Variants in SEC14L3 observed in about 807,000 individuals in gnomAD.
SEC14L3 encodes the protein SEC14 like lipid binding 3, also known as SEC14-like protein 3.
A neutral mutation model predicts 57.4 loss-of-function variants in SEC14L3; 56 were observed. That is an observed-to-expected ratio of 0.97 (90% CI 0.79 to 1.22). The LOEUF (loss-of-function observed/expected upper bound fraction) is 1.22. SEC14L3 is among the 50% of genes most tolerant of loss of function. The pLI is 0.00. For missense variants in SEC14L3, 485 were observed against 511.7 expected (o/e 0.95, Z 0.50); for synonymous variants, 173 against 194.4 (o/e 0.89, Z 0.92).
In SEC14L3 at chr22:30,461,490, G is replaced by T; in HGVS notation, c.912-11C>A. The T allele has an allele frequency of 6.2e-7, 1 of 1,611,594 alleles. No homozygotes were observed. The highest frequency in any genetic ancestry group is 8.5e-7 in the Non-Finnish European group (1 of 1,177,916). The stretch of plus-strand genomic sequence containing the variant: ...GATGAGAACTGCCACCTGTCAGGGG[G>T]AGGGGGAGGAGACAGGTTGCTGCTC... On this transcript the variant is annotated splice_polypyrimidine_tract_variant and intron_variant, in intron 10 of 11. Transcript: ENST00000215812.
intron 7 of SEC14L3, among the ~76,000 whole-genome samples, chr22:30,465,282 C>T (rs1014465442): frequency 2.0e-5 from 3 of 152,196 alleles, no homozygotes; most frequent in African/African-American, 7.2e-5. Flanking sequence ...ACCAGCCAAC[C>T]TACCAAATAG....
intron 12 of SEC14L3, among the ~76,000 whole-genome samples, chr22:30,450,363 T>G (rs571077453): frequency 1.7e-4 from 26 of 152,172 alleles, no homozygotes; most frequent in Non-Finnish European, 2.9e-4. Context: ...TGGAGTATAG[T>G]GGCATGATCT....
At chr22:30,464,605 A>T (rs1175076721) in intron 8 of SEC14L3, among the ~76,000 whole-genome samples, 2 of 152,028 alleles carry the variant, frequency 1.3e-5, no homozygotes, top group African/African-American at 2.4e-5. Context: ...TAATTTTTAA[A>T]TTTTTTGTAG....
Position 30,462,078 on chromosome 22 carries a change from C to T in SEC14L3, c.771+8G>A. ...ACCTCTCTTGTCCCAGGGAAGGGCT[C>T]TTTGTACCTTGGTTAAACATTTGGG... On this transcript the variant is annotated splice_region_variant and intron_variant, in intron 9 of 11. Transcript: ENST00000215812. 3.1e-6 allele frequency: 5 copies of T among 1,613,786 alleles called. No homozygotes were observed. The highest frequency in any genetic ancestry group is 4.2e-6 in the Non-Finnish European group (5 of 1,179,872).
chr22:30,461,358 G>A lies in SEC14L3; in HGVS notation c.1033C>T (p.His345Tyr), dbSNP rs1935251503. The A allele has an allele frequency of 6.2e-7, 1 of 1,613,108 alleles. No homozygotes were observed. The highest frequency in any genetic ancestry group is 2.2e-5 in the East Asian group (1 of 44,870). Residue 345 changes from histidine (H) to tyrosine (Y), a missense_variant, in exon 11 of 12, where the codon CAC becomes TAC. His to Tyr is a moderately conservative substitution (Grantham distance 83). Coordinates refer to ENST00000215812, the MANE Select transcript of SEC14L3 (RefSeq NM_174975.5). ...DVLPSQRYNA[H>Y]MVPEDGNLTC... ...AGGTTCCCATCCTCGGGCACCATGT[G>A]GGCGTTATAGCGCTGGCTGGGTAGA...
chr22:30,451,126 G>A (rs1934971670), intron 12 of SEC14L3, among the ~76,000 whole-genome samples: 1 of 152,232 alleles, frequency 6.6e-6, no homozygotes, highest in Non-Finnish European at 1.5e-5. Flanking sequence ...TGGCACCAAG[G>A]TACAGTGGGG....
At chr22:30,449,604 G>A (rs1297514541) in intron 12 of SEC14L3, among the ~76,000 whole-genome samples, 6 of 145,048 alleles carry the variant, frequency 4.1e-5, no homozygotes, top group East Asian at 2.0e-4. Flanking sequence ...TTGCTCTGTC[G>A]CCCAGGCTGG....
chr22:30,450,277 G>A (rs1162702112), intron 12 of SEC14L3, among the ~76,000 whole-genome samples: 1 of 152,062 alleles, frequency 6.6e-6, no homozygotes, highest in African/African-American at 2.4e-5. Context: ...TCTGGAGCTG[G>A]ACGCGATCCT....
At chr22:30,448,744 A>T (rs1388361526) in exon 13 of SEC14L3, 2 of 200,808 alleles carry the variant, frequency 1.0e-5, no homozygotes, top group Non-Finnish European at 2.0e-5. Context: ...AAAGAAAAAA[A>T]ACCCAGGCAT....
chr22:30,452,659 T>C (rs985509391), intron 12 of SEC14L3, among the ~76,000 whole-genome samples: 1 of 151,888 alleles, frequency 6.6e-6, no homozygotes, highest in Non-Finnish European at 1.5e-5. Context: ...GACTCCTGTC[T>C]CCTTGGAGTT....
chr22:30,461,632 G>A lies in SEC14L3; in HGVS notation c.834C>T (p.Tyr278=), dbSNP rs139964800. 9.2e-4 allele frequency: 1,492 copies of A among 1,614,002 alleles called. 8 individuals are homozygous for A. Among genetic ancestry groups the A allele is most frequent in the South Asian group, 2.7e-3 (242 of 91,056 alleles). The change falls in exon 10 of 12, where the codon TAC becomes TAT. Residue 278 remains tyrosine, a synonymous_variant. Coordinates refer to ENST00000215812, the MANE Select transcript of SEC14L3 (RefSeq NM_174975.5). ...CGCGGTTGATCTGCACCGAGTGCTC[G>A]TACTGAGTCTTCACCTGGTCCCGCA... ...MYVRDQVKTQ[Y]EHSVQINRGS...
In SEC14L3 at chr22:30,460,032, T is replaced by C. The variant is rs776414729; in HGVS notation, c.1192A>G (p.Thr398Ala). The C allele has an allele frequency of 1.9e-6, 3 of 1,613,834 alleles. No homozygotes were observed. The highest frequency in any genetic ancestry group is 1.7e-6 in the Non-Finnish European group (2 of 1,179,898). Residue 398 changes from threonine (T) to alanine (A), a missense_variant, in exon 12 of 12, where the codon ACC becomes GCC. By Grantham distance (58) the Thr-to-Ala change is moderately conservative. Transcript: ENST00000215812. ...AATGAGGGAGCCACCTAGACAGGGG[T>C]GAGCTCCTTATCATATTTCTGCATG... ...EGMQKYDKEL[T>A]PV
rs1240829248 is a variant in SEC14L3 at position 30,462,090 on chromosome 22, G to C, written c.767C>G (p.Thr256Ser). 1.2e-6 allele frequency: 2 copies of C among 1,614,026 alleles called. No homozygotes were observed. The highest frequency in any genetic ancestry group is 1.7e-6 in the Non-Finnish European group (2 of 1,179,964). Reference sequence around the variant, plus strand: ...CCAGGGAAGGGCTCTTTGTACCTTGGTTAAACATTTGGGGTTCCCATCTGG... The same window carrying C: ...CCAGGGAAGGGCTCTTTGTACCTTGCTTAAACATTTGGGGTTCCCATCTGG... ...TDPDGNPKCL[T>S]KINYGGEIPK... Residue 256 changes from threonine (T) to serine (S), a missense_variant, in exon 9 of 12, where the codon ACC becomes AGC. Thr to Ser is a moderately conservative substitution (Grantham distance 58). Coordinates refer to ENST00000215812, the MANE Select transcript of SEC14L3 (RefSeq NM_174975.5).
downstream of SEC14L3, among the ~76,000 whole-genome samples, chr22:30,454,408 G>A (rs12627888): frequency 0.052 from 7,811 of 150,714 alleles, 240 homozygotes; most frequent in East Asian, 0.075. Context: ...AGTCTATTTT[G>A]GAGGAAGACC....
chr22:30,467,168 C>G lies in SEC14L3; in HGVS notation c.424-91G>C, dbSNP rs1219569095. 8 of 1,573,750 alleles carry G rather than the reference C, an allele frequency of 5.1e-6. 1 individual carries two copies. Among genetic ancestry groups the G allele is most frequent in the Middle Eastern group, 1.7e-4 (1 of 5,858 alleles). Reference sequence around the variant, plus strand: ...AGTACATGACCCCTTGGGGCTTCTTCTAGACCCCGACTCTGTCCTCAGAGG... The same window carrying G: ...AGTACATGACCCCTTGGGGCTTCTTGTAGACCCCGACTCTGTCCTCAGAGG... On this transcript the variant is annotated intron_variant, in intron 5 of 11. Transcript: ENST00000215812.
rs1036985556 is a variant in SEC14L3, at chr22:30,468,586, G to A, written c.345C>T (p.Val115=). 6 of 1,613,830 alleles carry A rather than the reference G, an allele frequency of 3.7e-6. No homozygotes were observed. Among genetic ancestry groups the A allele is most frequent in the Non-Finnish European group, 5.1e-6 (6 of 1,180,020 alleles). ...PLDPKGLLFS[V]TKQDLLKTKM... is the part of the protein sequence containing the mutation. The stretch of plus-strand genomic sequence containing the variant: ...TGGTCTTGAGCAGGTCCTGCTTGGT[G>A]ACTGAGAAGAGCAACCCCTTGGGAT... The change falls in exon 5 of 12, where the codon GTC becomes GTT. Residue 115 remains valine (V), a synonymous_variant. Transcript: ENST00000215812.
intron 8 of SEC14L3, 105 bp downstream of exon 8, chr22:30,464,715 G>A: frequency 2.0e-6 from 2 of 1,023,482 alleles, no homozygotes; most frequent in Non-Finnish European, 3.0e-6. Flanking sequence ...ACATTCGTGA[G>A]CCACTGCACC....
Position 30,468,367 on chromosome 22 carries a change from A to C in SEC14L3, c.423+141T>G, listed in dbSNP as rs546674423. On this transcript the variant is annotated intron_variant, in intron 5 of 11. Coordinates refer to ENST00000215812, the MANE Select transcript of SEC14L3 (RefSeq NM_174975.5). The stretch of plus-strand genomic sequence containing the variant: ...TGACTGTGACTTTTCAAGGCCACAC[A>C]GCTGGTAAGCAACAGAGCTGGTGTT... 11 of 605,504 alleles carry C rather than the reference A, an allele frequency of 1.8e-5. No homozygotes were observed. The African/African-American group carries it at 2.0e-4, about 11-fold the overall frequency. 37.5% of individuals were successfully genotyped at this position (605,504 alleles called of 1,614,324 possible). A position where few individuals can be genotyped will look rare whatever the true frequency, so the allele number is the denominator to read the frequency against.
chr22:30,463,411 A>T (rs1466592758), intron 8 of SEC14L3, among the ~76,000 whole-genome samples: 3 of 152,200 alleles, frequency 2.0e-5, no homozygotes, highest in Non-Finnish European at 2.9e-5. Context: ...GGAAGACCAC[A>T]ATGTGCCACA....
Sources: gnomAD v4.1 joint callset for allele counts (sites outside exome capture counted in the v4.1 genomes callset) on GRCh38, gnomAD v4.1.1 for gene constraint, MANE v1.5 for transcripts, NCBI Gene and HGNC (gene_info 2026-07-23, HGNC 2026-07-21) for gene names.